LRCH2: variants seen among roughly 807,000 people sequenced by gnomAD.
The protein encoded by LRCH2 is leucine-rich repeat and calponin homology domain-containing protein 2.
Under a neutral mutation model 68.9 loss-of-function variants are expected in LRCH2, and 38 were observed. That is an observed-to-expected ratio of 0.55 (90% CI 0.43 to 0.72). The LOEUF is 0.72. Among genes scored for constraint, LRCH2 ranks in the 30% least tolerant of loss-of-function variants. LRCH2 has a pLI of 0.00. For synonymous variants in LRCH2, 191 were observed against 208.1 expected (o/e 0.92, Z 0.71); for missense variants, 528 against 572.9 (o/e 0.92, Z 0.80).
intron 1 of LRCH2, among the ~76,000 whole-genome samples, chrX:115,209,449 C>A (rs144862874): frequency 8.9e-6 from 1 of 112,233 alleles, no homozygotes; most frequent in Admixed American, 9.4e-5. Flanking sequence ...TCTTGTCTGC[C>A]ACTATGTGAG....
At position 115,223,904 on chromosome X, in the gene LRCH2, C is replaced by A. The variant is rs373021618; in HGVS notation, c.349+9789G>T. On this transcript the variant is annotated intron_variant, in intron 1 of 20. Transcript: ENST00000317135. ...TTGCATCACTGCACTCCAGCCTGGG[C>A]GACAAGAACGAAACTCGGTCTCGAA... Among the ~76,000 whole-genome samples, 19 of 105,762 alleles carry A rather than the reference C, an allele frequency of 1.8e-4. No homozygotes were observed. In the East Asian group the frequency reaches 5.0e-3, roughly 28 times the overall value. The allele number at this position is 105,762 out of a possible 115,157, so 91.8% of individuals were successfully genotyped here. A position where few individuals can be genotyped will look rare whatever the true frequency, so the allele number is the denominator to read the frequency against.
chrX:115,137,875 G>A (rs1009696257), intron 14 of LRCH2, among the ~76,000 whole-genome samples: 9 of 110,902 alleles, frequency 8.1e-5, no homozygotes, highest in Non-Finnish European at 1.3e-4. Flanking sequence ...CTTGAACCCG[G>A]CAGGCAGAGG....
intron 5 of LRCH2, among the ~76,000 whole-genome samples, chrX:115,177,133 G>A (rs1316862896): frequency 4.9e-5 from 5 of 102,027 alleles, no homozygotes; most frequent in Non-Finnish European, 9.8e-5. Flanking sequence ...GGTGTGATCA[G>A]GGCTCACAGC....
At chrX:115,175,458 C>A (rs781908365) in intron 5 of LRCH2, among the ~76,000 whole-genome samples, 2 of 111,778 alleles carry the variant, frequency 1.8e-5, no homozygotes, top group East Asian at 5.7e-4. Context: ...AACGCTACAA[C>A]AGAGACACCA....
intron 3 of LRCH2, among the ~76,000 whole-genome samples, chrX:115,184,150 T>C (rs2072714484): frequency 8.9e-6 from 1 of 112,240 alleles, no homozygotes; most frequent in Non-Finnish European, 1.9e-5. Flanking sequence ...CAAATGCTTA[T>C]TCATTTGAAA....
chrX:115,174,850 T>C (rs2072635045), intron 5 of LRCH2, among the ~76,000 whole-genome samples: 1 of 111,695 alleles, frequency 9.0e-6, no homozygotes, highest in African/African-American at 3.3e-5. Flanking sequence ...AAGTATCCCT[T>C]TGCATGCTAA....
chrX:115,129,070 G>C (rs2072221717), intron 15 of LRCH2, among the ~76,000 whole-genome samples: 1 of 111,878 alleles, frequency 8.9e-6, no homozygotes, highest in Non-Finnish European at 1.9e-5. Flanking sequence ...GTCCTATTGG[G>C]TTTATGAGAT....
chrX:115,179,933 G>A (rs189285398), intron 3 of LRCH2, among the ~76,000 whole-genome samples, 182 bp from the exon 4 acceptor site: 1 of 110,587 alleles, frequency 9.0e-6, no homozygotes, highest in African/African-American at 3.3e-5. Flanking sequence ...TCATGAAGCC[G>A]ACCTAGTACA....
intron 14 of LRCH2, among the ~76,000 whole-genome samples, chrX:115,147,935 C>G (rs911524262): frequency 2.7e-5 from 3 of 110,957 alleles, no homozygotes; most frequent in Non-Finnish European, 5.7e-5. Flanking sequence ...ACCTGTAGTT[C>G]TAGCTACTGG....
At chrX:115,137,494 G>T (rs1412832564) in intron 14 of LRCH2, among the ~76,000 whole-genome samples, 1 of 108,903 alleles carries the variant, frequency 9.2e-6, no homozygotes, top group African/African-American at 3.3e-5. Context: ...AAAAGTTAGA[G>T]AAGGACATCA....
At chrX:115,120,795 G>A (rs1421782551) in intron 20 of LRCH2, among the ~76,000 whole-genome samples, 1 of 107,357 alleles carries the variant, frequency 9.3e-6, no homozygotes, top group African/African-American at 3.4e-5. Context: ...TGATAGACTG[G>A]ACTAAGAAAA....
chrX:115,131,528 C>T (rs2072245306), intron 14 of LRCH2, among the ~76,000 whole-genome samples: 1 of 111,435 alleles, frequency 9.0e-6, no homozygotes, highest in South Asian at 3.8e-4. Context: ...GGGTTGGTTC[C>T]AAGTCTTTGC....
chrX:115,219,864 C>A (rs1382300420), intron 1 of LRCH2, among the ~76,000 whole-genome samples: 1 of 111,508 alleles, frequency 9.0e-6, no homozygotes, highest in Non-Finnish European at 1.9e-5. Flanking sequence ...CAGAGTATTC[C>A]CCCAAGACTT....
At chrX:115,189,663 G>A (rs1556556251) in intron 1 of LRCH2, 7 of 1,167,407 alleles carry the variant, frequency 6.0e-6, no homozygotes, top group Middle Eastern at 2.3e-4. Flanking sequence ...GCAAGTACCT[G>A]GATGGTAAGG....
intron 14 of LRCH2, among the ~76,000 whole-genome samples, chrX:115,143,389 G>A (rs1159054858): frequency 7.2e-5 from 8 of 111,104 alleles, no homozygotes; most frequent in Non-Finnish European, 9.4e-5. Context: ...AGAGGAGATG[G>A]ACAAATTCCT....
intron 5 of LRCH2, among the ~76,000 whole-genome samples, chrX:115,174,461 C>A (rs184167766): frequency 9.2e-6 from 1 of 108,682 alleles, no homozygotes; most frequent in Non-Finnish European, 1.9e-5. Context: ...TGAGATCACA[C>A]AGCATTTATC....
intron 7 of LRCH2, 79 bp downstream of exon 7, chrX:115,166,173 ACTC>A: frequency 1.4e-6 from 1 of 740,647 alleles, no homozygotes; most frequent in Non-Finnish European, 2.0e-6. Context: ...AGCAAAATAA[ACTC>A]AAGTATGCAC....
chrX:115,169,946 C>T (rs890003578), intron 6 of LRCH2, among the ~76,000 whole-genome samples: 18 of 111,415 alleles, frequency 1.6e-4, no homozygotes, highest in Admixed American at 2.9e-4. Context: ...ATGTCTTGCT[C>T]TTCCACCAAC....
intron 1 of LRCH2, among the ~76,000 whole-genome samples, chrX:115,196,097 G>C (rs782642537): frequency 1.9e-4 from 21 of 111,298 alleles, no homozygotes; most frequent in Non-Finnish European, 3.0e-4. Context: ...CTAAGAAACG[G>C]ACATGGCATG....
Sources: allele counts gnomAD v4.1 joint callset (sites outside exome capture counted in the v4.1 genomes callset), GRCh38; gene constraint gnomAD v4.1.1; transcripts MANE v1.5; gene names NCBI Gene and HGNC (gene_info 2026-07-23, HGNC 2026-07-21).